The following ENTREP2 variants were observed in gnomAD, a reference collection of about 807,000 sequenced individuals.
The protein encoded by ENTREP2 is protein ENTREP2.
the ENTREP2 span, among the ~76,000 whole-genome samples, chr15:29,657,860 G>A: frequency 1.3e-5 from 2 of 152,020 alleles, no homozygotes; most frequent in African/African-American, 4.8e-5. Context: ...TATAGTGTGT[G>A]TATGTATATA....
the ENTREP2 span, among the ~76,000 whole-genome samples, chr15:29,513,691 T>C: frequency 1.3e-5 from 2 of 152,236 alleles, no homozygotes; most frequent in East Asian, 3.8e-4. Context: ...GTCTCACCCA[T>C]GACTCTCTGT....
chr15:29,635,959 A>G, the ENTREP2 span, among the ~76,000 whole-genome samples: 19 of 152,322 alleles, frequency 1.2e-4, no homozygotes, highest in African/African-American at 4.1e-4. Flanking sequence ...AGCCCTCCAG[A>G]ACATAAATCT....
the ENTREP2 span, among the ~76,000 whole-genome samples, chr15:29,669,500 T>C: frequency 0.072 from 10,934 of 152,222 alleles, 557 homozygotes; most frequent in African/African-American, 0.13. Flanking sequence ...CCTCCAGAAG[T>C]GTAAGAAATA....
the ENTREP2 span, among the ~76,000 whole-genome samples, chr15:29,309,788 C>CA: frequency 0.16 from 18,905 of 118,114 alleles, 1,941 homozygotes; most frequent in African/African-American, 0.3. Context: ...GACTCTGTCT[C>CA]AAAAAAAAAA....
chr15:29,572,203 A>G, the ENTREP2 span, among the ~76,000 whole-genome samples: 4 of 152,232 alleles, frequency 2.6e-5, no homozygotes, highest in Admixed American at 1.3e-4. Context: ...CCAAGGGATG[A>G]ACAGGGGGTA....
At chr15:29,351,246 A>C in the ENTREP2 span, among the ~76,000 whole-genome samples, 1 of 152,236 alleles carries the variant, frequency 6.6e-6, no homozygotes, top group African/African-American at 2.4e-5. Context: ...TGCAATGGTA[A>C]GTATTTGTGT....
At chr15:29,169,999 T>C in the ENTREP2 span, among the ~76,000 whole-genome samples, 1 of 152,132 alleles carries the variant, frequency 6.6e-6, no homozygotes. Context: ...AGTTGTGCAA[T>C]GTTGCTGCAT....
chr15:29,494,868 G>A, the ENTREP2 span, among the ~76,000 whole-genome samples: 1 of 152,062 alleles, frequency 6.6e-6, no homozygotes, highest in Admixed American at 6.6e-5. Flanking sequence ...ATACTCCTCT[G>A]CCTGTGTGTT....
the ENTREP2 span, among the ~76,000 whole-genome samples, chr15:29,292,729 T>C: frequency 1.1e-3 from 175 of 152,326 alleles, no homozygotes; most frequent in Middle Eastern, 3.4e-3. Context: ...ACTAAGATCA[T>C]GTATATGTAT....
the ENTREP2 span, among the ~76,000 whole-genome samples, chr15:29,439,189 A>G: frequency 6.6e-6 from 1 of 151,970 alleles, no homozygotes; most frequent in Non-Finnish European, 1.5e-5. Flanking sequence ...TCTCTGATAA[A>G]AGGAGAAACA....
chr15:29,323,330 T>C, the ENTREP2 span, among the ~76,000 whole-genome samples: 41 of 152,096 alleles, frequency 2.7e-4, no homozygotes, highest in Non-Finnish European at 5.1e-4. Context: ...GCCTACACAA[T>C]GAAGCCTCGA....
chr15:29,244,096 G>A, the ENTREP2 span, among the ~76,000 whole-genome samples: 1 of 152,116 alleles, frequency 6.6e-6, no homozygotes, highest in Non-Finnish European at 1.5e-5. Flanking sequence ...CTCAGCACCA[G>A]GACCATTGCC....
At chr15:29,171,975 C>A in the ENTREP2 span, among the ~76,000 whole-genome samples, 3 of 152,172 alleles carry the variant, frequency 2.0e-5, no homozygotes, top group Non-Finnish European at 2.9e-5. Context: ...GGGCACATTT[C>A]TTTTAACCTT....
chr15:29,241,199 C>A, the ENTREP2 span, among the ~76,000 whole-genome samples: 52 of 152,212 alleles, frequency 3.4e-4, no homozygotes, highest in Admixed American at 2.6e-3. Context: ...GTCAGGCCTG[C>A]GATAGCAAAA....
At chr15:29,353,691 T>C in the ENTREP2 span, among the ~76,000 whole-genome samples, 1 of 152,184 alleles carries the variant, frequency 6.6e-6, no homozygotes, top group Admixed American at 6.5e-5. Context: ...GGCTGTGTTC[T>C]AAGCCTTGCC....
At chr15:29,381,883 G>A in the ENTREP2 span, 2 of 1,509,700 alleles carry the variant, frequency 1.3e-6, no homozygotes, top group Non-Finnish European at 1.8e-6. Flanking sequence ...ACCTTGCATG[G>A]GCAATCAAAA....
At chr15:29,378,632 C>T in the ENTREP2 span, among the ~76,000 whole-genome samples, 2 of 152,180 alleles carry the variant, frequency 1.3e-5, no homozygotes, top group South Asian at 4.1e-4. Flanking sequence ...GCTGCAGCCT[C>T]AGCTCTTCCC....
the ENTREP2 span, among the ~76,000 whole-genome samples, chr15:29,129,473 TTTTTC>T: frequency 6.6e-6 from 1 of 152,074 alleles, no homozygotes; most frequent in African/African-American, 2.4e-5. Context: ...TTTCGATTTC[TTTTTC>T]TTTTCTTTAT....
At chr15:29,306,893 A>G in the ENTREP2 span, among the ~76,000 whole-genome samples, 2 of 151,032 alleles carry the variant, frequency 1.3e-5, no homozygotes, top group Admixed American at 1.3e-4. Context: ...CTACAGGCGC[A>G]TGCCACCATG....
Sources: gnomAD v4.1 joint callset for allele counts (sites outside exome capture counted in the v4.1 genomes callset) on GRCh38, gnomAD v4.1.1 for gene constraint, MANE v1.5 for transcripts, NCBI Gene and HGNC (gene_info 2026-07-23, HGNC 2026-07-21) for gene names.